The following HMCN1 variants were observed in gnomAD, a reference collection of about 807,000 sequenced individuals.
HMCN1 encodes hemicentin-1.
A neutral mutation model predicts 625.9 loss-of-function variants in HMCN1; 321 were observed. That is an observed-to-expected ratio of 0.51 (90% confidence interval 0.47 to 0.56). The LOEUF (loss-of-function observed/expected upper bound fraction) is 0.56. Among genes scored for constraint, HMCN1 ranks in the 20% least tolerant of loss-of-function variants. The probability of loss-of-function intolerance (pLI) is 0.00; values close to 1 mark genes in which losing one functional copy is unlikely to be tolerated. For synonymous variants in HMCN1, 2,425 were observed against 2,417.6 expected (o/e 1.00, Z -0.09); for missense variants, 6,588 against 6,887.3 (o/e 0.96, Z 1.54).
chr1:186,180,998 T>A (rs1385038016), intron 104 of HMCN1, among the ~76,000 whole-genome samples: 3 of 152,130 alleles, frequency 2.0e-5, no homozygotes, highest in African/African-American at 7.2e-5. Flanking sequence ...TAAAGTTTAG[T>A]TTTTGAAGAA....
In HMCN1 at chr1:186,053,906, A is replaced by G. The variant is rs1657135404; in HGVS notation, c.6782A>G (p.Lys2261Arg). ...GRQLQISIAE[K>R]SDAALYSCVA... is the part of the protein sequence containing the mutation. ...CAATTACAAATTTCAATTGCTGAAA[A>G]GTCTGATGCAGCACTCTATTCATGT... is the stretch of plus-strand genomic sequence containing the variant. The change falls in exon 44 of 107, where the codon AAG becomes AGG. Residue 2261 changes from lysine (K) to arginine (R), a missense_variant. Lys to Arg is a conservative substitution (Grantham distance 26). Transcript: ENST00000271588. 1 of 1,612,636 alleles carries G rather than the reference A, an allele frequency of 6.2e-7. No individual in the cohort carries two copies. Among genetic ancestry groups the G allele is most frequent in the African/African-American group, 1.3e-5 (1 of 74,836 alleles).
chr1:185,876,427 A>G (rs1663935628), intron 4 of HMCN1, among the ~76,000 whole-genome samples: 1 of 152,100 alleles, frequency 6.6e-6, no homozygotes, highest in African/African-American at 2.4e-5. Flanking sequence ...GTAGATATCC[A>G]GTAGTGGGTT....
chr1:185,861,780 C>A (rs1428337814), intron 2 of HMCN1, among the ~76,000 whole-genome samples: 2 of 152,058 alleles, frequency 1.3e-5, no homozygotes, highest in African/African-American at 4.8e-5. Flanking sequence ...AGTGAGTAAG[C>A]ACATTTGACT....
intron 21 of HMCN1, 30 bp downstream of exon 21, chr1:185,989,677 T>C: frequency 6.2e-7 from 1 of 1,610,576 alleles, no homozygotes; most frequent in Non-Finnish European, 8.5e-7. Flanking sequence ...TGGTTTTTAT[T>C]GACATTGTCT....
At chr1:186,135,921 C>A (rs1391577029) in intron 86 of HMCN1, among the ~76,000 whole-genome samples, 2 of 152,178 alleles carry the variant, frequency 1.3e-5, no homozygotes, top group African/African-American at 4.8e-5. Context: ...GAAAGAATAT[C>A]TTTTCTCTAT....
At chr1:185,948,482 C>T (rs1217757599) in intron 11 of HMCN1, among the ~76,000 whole-genome samples, 4 of 148,916 alleles carry the variant, frequency 2.7e-5, no homozygotes, top group Non-Finnish European at 4.5e-5. Flanking sequence ...GAGTGGGGGT[C>T]GCAAGGTGCT....
At chr1:186,049,149 C>T (rs889414222) in intron 42 of HMCN1, among the ~76,000 whole-genome samples, 2 of 151,684 alleles carry the variant, frequency 1.3e-5, no homozygotes, top group Admixed American at 1.3e-4. Flanking sequence ...CTGGTGGGTT[C>T]GTCAATGGAA....
chr1:185,992,480 G>A (rs1033904000), intron 22 of HMCN1, among the ~76,000 whole-genome samples: 3 of 152,074 alleles, frequency 2.0e-5, no homozygotes, highest in Admixed American at 1.3e-4. Flanking sequence ...CATTTGGAGA[G>A]CCAGTTGCCC....
chr1:186,026,699 T>C (rs918768976), intron 36 of HMCN1, among the ~76,000 whole-genome samples: 1 of 152,106 alleles, frequency 6.6e-6, no homozygotes, highest in Non-Finnish European at 1.5e-5. Context: ...AGTGGTACGG[T>C]CATGACTCAT....
intron 11 of HMCN1, among the ~76,000 whole-genome samples, chr1:185,937,409 T>A (rs1667863881): frequency 6.6e-6 from 1 of 152,182 alleles, no homozygotes; most frequent in Non-Finnish European, 1.5e-5. Flanking sequence ...AATCTACTCC[T>A]GTGAGCTTTT....
intron 4 of HMCN1, among the ~76,000 whole-genome samples, chr1:185,904,684 C>T (rs979094650): frequency 6.6e-6 from 1 of 151,938 alleles, no homozygotes; most frequent in Non-Finnish European, 1.5e-5. Flanking sequence ...TGAACTTTGG[C>T]ATGTATCACT....
intron 1 of HMCN1, among the ~76,000 whole-genome samples, chr1:185,815,704 G>A (rs889174557): frequency 4.0e-5 from 6 of 149,970 alleles, no homozygotes; most frequent in Non-Finnish European, 5.9e-5. Flanking sequence ...AGTATGTTCA[G>A]CAACACATTA....
intron 1 of HMCN1, among the ~76,000 whole-genome samples, chr1:185,784,035 T>C (rs1287078794): frequency 6.6e-6 from 1 of 152,248 alleles, no homozygotes; most frequent in African/African-American, 2.4e-5. Context: ...TGTTTACCTA[T>C]TCAAGCCTCA....
intron 1 of HMCN1, among the ~76,000 whole-genome samples, chr1:185,837,994 C>G (rs538958716): frequency 6.6e-6 from 1 of 152,192 alleles, no homozygotes; most frequent in Non-Finnish European, 1.5e-5. Flanking sequence ...CTTCAGAGAG[C>G]TGGCATCTAG....
chr1:185,740,129 C>T (rs536342327), intron 1 of HMCN1, among the ~76,000 whole-genome samples: 8 of 152,226 alleles, frequency 5.3e-5, no homozygotes, highest in African/African-American at 1.4e-4. Context: ...GGAAAGGGCT[C>T]GTAGTCCATT....
At chr1:185,961,205 C>G (rs1448141924) in intron 11 of HMCN1, among the ~76,000 whole-genome samples, 2 of 152,184 alleles carry the variant, frequency 1.3e-5, no homozygotes, top group African/African-American at 4.8e-5. Context: ...GCTGCTGCCG[C>G]CCAGCATACC....
intron 72 of HMCN1, 38 bp from the exon 73 acceptor site, chr1:186,113,941 A>T: frequency 1.2e-6 from 2 of 1,611,758 alleles, no homozygotes; most frequent in South Asian, 2.2e-5. Flanking sequence ...TGTATTATTT[A>T]GTCTCACTGA....
intron 36 of HMCN1, among the ~76,000 whole-genome samples, chr1:186,036,188 TG>T (rs1215111503): frequency 6.6e-6 from 1 of 152,216 alleles, no homozygotes; most frequent in Non-Finnish European, 1.5e-5. Context: ...GGTTTTTATT[TG>T]TGCTCCTTAT....
chr1:185,909,015 T>G (rs531991327), intron 4 of HMCN1, among the ~76,000 whole-genome samples: 1 of 152,078 alleles, frequency 6.6e-6, no homozygotes, highest in Non-Finnish European at 1.5e-5. Flanking sequence ...TTTAAATAAG[T>G]TCTTATCTCT....
Sources: allele counts gnomAD v4.1 joint callset (sites outside exome capture counted in the v4.1 genomes callset), GRCh38; gene constraint gnomAD v4.1.1; transcripts MANE v1.5; gene names NCBI Gene and HGNC (gene_info 2026-07-23, HGNC 2026-07-21).